The following PLCB1 variants were observed in gnomAD, a reference collection of about 807,000 sequenced individuals.
The protein encoded by PLCB1 is 1-phosphatidylinositol 4,5-bisphosphate phosphodiesterase beta-1.
A neutral mutation model predicts 161.8 loss-of-function variants in PLCB1; 46 were observed. That is an observed-to-expected ratio of 0.28 (90% CI 0.22 to 0.36). The LOEUF (loss-of-function observed/expected upper bound fraction) is 0.36, where lower values mean the gene tolerates loss of function less well. Ranked by LOEUF, PLCB1 falls within the 10% of genes least tolerant of loss-of-function variation. PLCB1 has a pLI of 1.00. For synonymous variants in PLCB1, 517 were observed against 503.7 expected, an observed-to-expected ratio of 1.03 and a Z score of -0.35; for missense variants, 1,016 against 1,472.5, an observed-to-expected ratio of 0.69 and a Z score of 5.07.
In PLCB1 at chr20:8,669,980, C is replaced by T. The variant is rs570157076; in HGVS notation, c.862+11276C>T. Among the ~76,000 whole-genome samples, 39 of 152,286 alleles carry T rather than the reference C, an allele frequency of 2.6e-4. No homozygotes were observed. The South Asian group carries it at 7.3e-3, about 28-fold the overall frequency. The stretch of plus-strand genomic sequence containing the variant: ...AGAACATTTTTCCTCCCTTGCATTA[C>T]GGTCAGGAACCACTGTGGAGGGTCT... On this transcript the variant is annotated intron_variant, in intron 9 of 31. Coordinates refer to ENST00000338037, the MANE Select transcript of PLCB1 (RefSeq NM_015192.4).
At chr20:8,501,806 C>G (rs1469873748) in intron 3 of PLCB1, among the ~76,000 whole-genome samples, 1 of 146,366 alleles carries the variant, frequency 6.8e-6, no homozygotes, top group African/African-American at 2.6e-5. Flanking sequence ...TTTAAAAGTG[C>G]AGGAGCAGTG....
chr20:8,815,836 A>G (rs1225875926), intron 31 of PLCB1, among the ~76,000 whole-genome samples: 2 of 152,220 alleles, frequency 1.3e-5, no homozygotes, highest in Non-Finnish European at 2.9e-5. Flanking sequence ...TTGAAAATCA[A>G]TAGTTTTCCT....
intron 2 of PLCB1, among the ~76,000 whole-genome samples, chr20:8,233,132 C>A (rs992406477): frequency 6.6e-6 from 1 of 152,156 alleles, no homozygotes; most frequent in African/African-American, 2.4e-5. Flanking sequence ...CTACTTATCA[C>A]AAAACCGTGA....
intron 2 of PLCB1, among the ~76,000 whole-genome samples, chr20:8,319,095 A>T (rs1984785630): frequency 6.6e-6 from 1 of 152,170 alleles, no homozygotes; most frequent in Non-Finnish European, 1.5e-5. Context: ...CATATGTTTA[A>T]TTATGCAATG....
At chr20:8,479,082 C>T (rs1235213720) in intron 3 of PLCB1, among the ~76,000 whole-genome samples, 1 of 151,968 alleles carries the variant, frequency 6.6e-6, no homozygotes, top group Non-Finnish European at 1.5e-5. Context: ...AAGAAGTGCA[C>T]ATATTCAAAA....
rs1254236192 is a variant in PLCB1 at position 8,428,000 on chromosome 20, G to A, written c.246+56550G>A. On this transcript the variant is annotated intron_variant, in intron 3 of 31. Coordinates refer to ENST00000338037, the MANE Select transcript of PLCB1 (RefSeq NM_015192.4). ...GCTGACCTAATAATTTGTGCTGAAT[G>A]TGTGGCAAGTTTGGTTTATTTTCTT... Among the ~76,000 whole-genome samples the A allele has an allele frequency of 2.6e-5, 4 of 152,204 alleles. No homozygotes were observed. The South Asian group carries it at 8.3e-4, about 32-fold the overall frequency.
chr20:8,811,598 TA>T (rs113481165), intron 31 of PLCB1, among the ~76,000 whole-genome samples: 10,475 of 152,176 alleles, frequency 0.069, 984 homozygotes, highest in African/African-American at 0.21. Flanking sequence ...GGAGGAACAA[TA>T]TGTTAATGAG....
At chr20:8,182,583 CTTTT>C (rs113760426) in intron 2 of PLCB1, among the ~76,000 whole-genome samples, 2 of 139,242 alleles carry the variant, frequency 1.4e-5, no homozygotes, top group African/African-American at 5.4e-5. Flanking sequence ...TCTTTTTTTT[CTTTT>C]TTTTTTTTTT....
Position 8,479,815 on chromosome 20 carries a change from T to C in PLCB1, c.246+108365T>C, listed in dbSNP as rs151152066. ...CCTTTACTATGAGAAAAATATCTTT[T>C]AGGTAGTTGACGATTTCGAAATGAA... is the stretch of plus-strand genomic sequence containing the variant. On this transcript the variant is annotated intron_variant, in intron 3 of 31. Transcript: ENST00000338037. 4.6e-5 allele frequency among the ~76,000 whole-genome samples: 7 copies of C among 152,294 alleles called. No homozygotes were observed. The East Asian group carries it at 1.3e-3, about 29-fold the overall frequency.
chr20:8,638,587 A>T (rs550736582), intron 4 of PLCB1, among the ~76,000 whole-genome samples: 1 of 152,366 alleles, frequency 6.6e-6, no homozygotes, highest in African/African-American at 2.4e-5. Flanking sequence ...ATTTAAGAAT[A>T]GAAATGCTGA....
In PLCB1 at chr20:8,638,781, C is replaced by T. The variant is rs374243214; in HGVS notation, c.385-7321C>T. 9.9e-5 allele frequency among the ~76,000 whole-genome samples: 15 copies of T among 152,242 alleles called. No individual in the cohort carries two copies. The East Asian group carries it at 1.5e-3, about 16-fold the overall frequency. On this transcript the variant is annotated intron_variant, in intron 4 of 31. Transcript: ENST00000338037. ...CTAACATGAATTATCCCAATTCTCT[C>T]AAAAGCCCTATGAAATAAATTCTAT...
intron 31 of PLCB1, 140 bp downstream of exon 31, chr20:8,790,401 A>G (rs1339749774): frequency 3.3e-6 from 2 of 598,490 alleles, no homozygotes; most frequent in South Asian, 2.2e-5. Context: ...ATCTTTCTCA[A>G]TGAAGGAAAA....
At chr20:8,700,054 A>T (rs185525303) in intron 11 of PLCB1, among the ~76,000 whole-genome samples, 38 of 152,318 alleles carry the variant, frequency 2.5e-4, no homozygotes, top group African/African-American at 8.7e-4. Flanking sequence ...ATGCAGTCTA[A>T]CAGTTGGGCT....
intron 2 of PLCB1, among the ~76,000 whole-genome samples, chr20:8,351,962 C>T (rs1406002875): frequency 6.6e-6 from 1 of 151,952 alleles, no homozygotes; most frequent in Non-Finnish European, 1.5e-5. Context: ...ATACTCTTAC[C>T]ACATGATCTA....
At chr20:8,662,060 T>TAATATACAA (rs1847161718) in intron 9 of PLCB1, among the ~76,000 whole-genome samples, 5 of 3,540 alleles carry the variant, frequency 1.4e-3, no homozygotes, top group Non-Finnish European at 3.1e-3. Flanking sequence ...TAATTATATA[T>TAATATACAA]TTATTATATT....
At position 8,368,506 on chromosome 20, in the gene PLCB1, G is replaced by A. The variant is rs572231701; in HGVS notation, c.178-2876G>A. Among the ~76,000 whole-genome samples the A allele has an allele frequency of 3.2e-5, 4 of 125,326 alleles. No homozygotes were observed. The South Asian group carries it at 1.1e-3, about 35-fold the overall frequency. 82.2% of individuals were successfully genotyped at this position (125,326 alleles called of 152,430 possible). A position where few individuals can be genotyped will look rare whatever the true frequency, so the allele number is the denominator to read the frequency against. On this transcript the variant is annotated intron_variant, in intron 2 of 31. Coordinates refer to ENST00000338037, the MANE Select transcript of PLCB1 (RefSeq NM_015192.4). ...TGCACCACTGCACTTTAGCCTGGGTGATGGAGTGAGACTCTGTCTCTCAAA... is the reference window on the plus strand; with the variant it reads ...TGCACCACTGCACTTTAGCCTGGGTAATGGAGTGAGACTCTGTCTCTCAAA...
chr20:8,708,148 A>G (rs369011377), intron 11 of PLCB1, among the ~76,000 whole-genome samples: 1 of 152,110 alleles, frequency 6.6e-6, no homozygotes, highest in Non-Finnish European at 1.5e-5. Flanking sequence ...AAACCATTGA[A>G]CTGTACACTT....
intron 9 of PLCB1, among the ~76,000 whole-genome samples, chr20:8,665,169 C>T (rs983674113): frequency 6.6e-6 from 1 of 152,192 alleles, no homozygotes; most frequent in Non-Finnish European, 1.5e-5. Context: ...GTTCAGAAAT[C>T]ATTCATTCAT....
intron 9 of PLCB1, among the ~76,000 whole-genome samples, chr20:8,663,114 C>G (rs570917328): frequency 2.6e-5 from 4 of 151,570 alleles, no homozygotes; most frequent in Non-Finnish European, 4.4e-5. Context: ...TCCATATAGC[C>G]TATACTTGTT....
Sources: allele counts gnomAD v4.1 joint callset (sites outside exome capture counted in the v4.1 genomes callset), GRCh38; gene constraint gnomAD v4.1.1; transcripts MANE v1.5; gene names NCBI Gene and HGNC (gene_info 2026-07-23, HGNC 2026-07-21).